The following BBX variants were observed in gnomAD, a reference collection of about 807,000 sequenced individuals.
BBX encodes HMG box transcription factor BBX.
In BBX, 30 loss-of-function variants were observed where a neutral mutation model predicts 100.2. The ratio of observed to expected loss-of-function variants is 0.30; its 90% CI spans 0.22 to 0.41. The LOEUF is 0.41. Among genes scored for constraint, BBX ranks in the 10% least tolerant of loss-of-function variants. BBX has a pLI of 1.00. For missense variants in BBX, 1,023 were observed against 1,129.8 expected (o/e 0.91, Z 1.35); for synonymous variants, 376 against 388.1 (o/e 0.97, Z 0.37).
In BBX at chr3:107,805,391, C is replaced by T. The variant is rs545067222; in HGVS notation, c.2760C>T (p.Leu920=). 59 of 1,613,954 alleles carry T rather than the reference C, an allele frequency of 3.7e-5. No homozygotes were observed. The East Asian group carries it at 1.2e-3, about 33-fold the overall frequency. The change falls in exon 18 of 18, where the codon CTC becomes CTT. Residue 920 remains leucine (L), a synonymous_variant. Coordinates refer to ENST00000325805, the MANE Select transcript of BBX (RefSeq NM_001142568.3). ...NVHRGQRSTP[L]THDGQPKEMP... The stretch of plus-strand genomic sequence containing the variant: ...ACAGAGGTCAGAGGTCAACTCCGCT[C>T]ACCCATGATGGACAGCCAAAAGAAA...
chr3:107,787,511 T>C (rs1033027883), intron 13 of BBX, among the ~76,000 whole-genome samples: 8 of 152,320 alleles, frequency 5.3e-5, no homozygotes, highest in South Asian at 2.1e-4. Context: ...ATAGGAGTAG[T>C]AGTATTAAAA....
chr3:107,603,640 G>C (rs1354699453), intron 2 of BBX, among the ~76,000 whole-genome samples: 1 of 151,944 alleles, frequency 6.6e-6, no homozygotes, highest in Non-Finnish European at 1.5e-5. Flanking sequence ...GGCCTTCCAA[G>C]GTGCTGGGAT....
chr3:107,784,751 A>C (rs2068247333), intron 13 of BBX, among the ~76,000 whole-genome samples: 2 of 151,898 alleles, frequency 1.3e-5, no homozygotes, highest in South Asian at 4.1e-4. Context: ...AAGACACTCA[A>C]AAAAGAAGAG....
chr3:107,672,980 A>G (rs902674717), intron 3 of BBX, among the ~76,000 whole-genome samples: 3 of 152,096 alleles, frequency 2.0e-5, no homozygotes, highest in Non-Finnish European at 4.4e-5. Flanking sequence ...TTCATCTTGA[A>G]CAGGTTCTAG....
intron 10 of BBX, among the ~76,000 whole-genome samples, chr3:107,768,191 T>C (rs1469562575): frequency 6.6e-6 from 1 of 152,218 alleles, no homozygotes; most frequent in African/African-American, 2.4e-5. Context: ...AGTTTTGCTT[T>C]AGGTGCTTCC....
chr3:107,616,537 C>T (rs554841602), intron 2 of BBX, among the ~76,000 whole-genome samples: 1 of 152,136 alleles, frequency 6.6e-6, no homozygotes, highest in Admixed American at 6.5e-5. Flanking sequence ...GTATCCTCAA[C>T]AGCATTTTTG....
intron 10 of BBX, among the ~76,000 whole-genome samples, chr3:107,758,614 C>A (rs143097306): frequency 4.6e-5 from 7 of 152,192 alleles, no homozygotes; most frequent in Non-Finnish European, 1.0e-4. Context: ...TTCCTACTGT[C>A]GGGAAAAAGC....
chr3:107,649,498 A>G lies in BBX; in HGVS notation c.-10+3589A>G, dbSNP rs559518389. On this transcript the variant is annotated intron_variant, in intron 3 of 17. Transcript: ENST00000325805. ...AGGATTGTGAGAATTAAATGAGATA[A>G]TTGGGTTAATTGCCTGAAAAGAGTC... 2.6e-5 allele frequency among the ~76,000 whole-genome samples: 4 copies of G among 152,308 alleles called. No homozygotes were observed. In the East Asian group the frequency reaches 7.7e-4, roughly 29 times the overall value.
chr3:107,802,778 C>T (rs1332457318), intron 17 of BBX, among the ~76,000 whole-genome samples: 5 of 152,188 alleles, frequency 3.3e-5, no homozygotes, highest in Admixed American at 3.3e-4. Context: ...CTCTGCCCTC[C>T]ACACTCCCTA....
intron 2 of BBX, among the ~76,000 whole-genome samples, chr3:107,592,866 G>T (rs188247465): frequency 1.1e-3 from 167 of 152,180 alleles, no homozygotes; most frequent in African/African-American, 3.7e-3. Flanking sequence ...TGGAAGAGTG[G>T]TTTTTTTAAG....
chr3:107,793,108 A>G (rs1052107286), intron 15 of BBX, among the ~76,000 whole-genome samples: 1 of 152,182 alleles, frequency 6.6e-6, no homozygotes, highest in Non-Finnish European at 1.5e-5. Context: ...GATGAGATGT[A>G]GTAGTACACA....
At chr3:107,573,956 C>T (rs554744626) in intron 2 of BBX, among the ~76,000 whole-genome samples, 9 of 152,300 alleles carry the variant, frequency 5.9e-5, no homozygotes, top group African/African-American at 2.2e-4. Flanking sequence ...AACTCCTGAT[C>T]TCGGGTGATC....
intron 3 of BBX, among the ~76,000 whole-genome samples, chr3:107,667,531 A>T (rs2058815289): frequency 6.6e-6 from 1 of 151,792 alleles, no homozygotes; most frequent in African/African-American, 2.4e-5. Flanking sequence ...CAGTAGAAAA[A>T]TTTATAAATA....
intron 3 of BBX, among the ~76,000 whole-genome samples, chr3:107,668,429 C>A (rs1444890313): frequency 6.6e-6 from 1 of 152,180 alleles, no homozygotes; most frequent in Non-Finnish European, 1.5e-5. Context: ...CCCTACACAG[C>A]ACGTATAGAT....
intron 7 of BBX, among the ~76,000 whole-genome samples, chr3:107,734,275 T>C (rs1005269111): frequency 1.3e-5 from 2 of 152,234 alleles, no homozygotes; most frequent in Non-Finnish European, 2.9e-5. Context: ...ATTTTGATTC[T>C]GTTCACTTCA....
intron 2 of BBX, among the ~76,000 whole-genome samples, chr3:107,644,018 C>G (rs2057375053): frequency 6.6e-6 from 1 of 152,160 alleles, no homozygotes; most frequent in Admixed American, 6.5e-5. Flanking sequence ...CATAGCCAAT[C>G]TCCTCTCTCA....
chr3:107,765,583 A>T (rs938135032), intron 10 of BBX, among the ~76,000 whole-genome samples: 2 of 152,016 alleles, frequency 1.3e-5, no homozygotes, highest in Non-Finnish European at 2.9e-5. Flanking sequence ...AAGCATTGGG[A>T]TTATAGGTGT....
At chr3:107,703,923 G>T (rs1367026993) in intron 3 of BBX, among the ~76,000 whole-genome samples, 1 of 152,140 alleles carries the variant, frequency 6.6e-6, no homozygotes, top group Non-Finnish European at 1.5e-5. Flanking sequence ...GCCCCTTAAT[G>T]CTTCCTTTTG....
chr3:107,757,797 GATAA>G (rs1437686231), intron 10 of BBX, among the ~76,000 whole-genome samples: 6 of 152,024 alleles, frequency 3.9e-5, no homozygotes, highest in South Asian at 2.1e-4. Context: ...TGCATTTTAA[GATAA>G]ATAAATATAA....
Sources: allele counts gnomAD v4.1 joint callset (sites outside exome capture counted in the v4.1 genomes callset), GRCh38; gene constraint gnomAD v4.1.1; transcripts MANE v1.5; gene names NCBI Gene and HGNC (gene_info 2026-07-23, HGNC 2026-07-21).